Variants in TMEM145 observed in about 807,000 individuals in gnomAD.
TMEM145 encodes the protein transmembrane protein 145.
TMEM145 carries 46 observed loss-of-function variants against 68.5 expected under a neutral mutation model. The observed-to-expected ratio is 0.67, with a 90% CI of 0.53 to 0.86. The LOEUF (loss-of-function observed/expected upper bound fraction) is 0.86, where lower values mean the gene tolerates loss of function less well. Among genes scored for constraint, TMEM145 ranks in the 40% least tolerant of loss-of-function variants. The pLI, the probability that TMEM145 is intolerant of heterozygous loss-of-function variation, is 0.00. For missense variants in TMEM145, 570 were observed against 645.8 expected (o/e 0.88, Z 1.27); for synonymous variants, 255 against 280.2 (o/e 0.91, Z 0.90).
rs2038953138 is a variant in TMEM145 at position 42,324,675 on chromosome 19, G to T, written c.1402-62G>T. ...GCCCAGGTTGGGTACGCTGCGTCCC[G>T]CCCCCCTCCCCTCTGTGCCAAACGG... On this transcript the variant is annotated intron_variant, in intron 14 of 14. Transcript: ENST00000301204. 5.1e-6 allele frequency: 6 copies of T among 1,165,394 alleles called. No homozygotes were observed. The Admixed American group carries it at 4.1e-4, about 80-fold the overall frequency. 72.2% of individuals were successfully genotyped at this position (1,165,394 alleles called of 1,614,324 possible).
chr19:42,314,193 G>A, intron 1 of TMEM145, 79 bp from the exon 2 acceptor site: 1 of 1,516,458 alleles, frequency 6.6e-7, no homozygotes, highest in African/African-American at 1.4e-5. Flanking sequence ...CTGGGGGGTA[G>A]GGAAGAAAAG....
intron 14 of TMEM145, chr19:42,324,465 A>G (rs2038949352): frequency 9.1e-6 from 9 of 985,288 alleles, no homozygotes; most frequent in Non-Finnish European, 1.1e-5. Flanking sequence ...GCAGCGCCGC[A>G]CACCGGCTTC....
At position 42,316,258 on chromosome 19, in the gene TMEM145, C is replaced by T. The variant is rs1237387752; in HGVS notation, c.647-223C>T. 2.3e-4 allele frequency among the ~76,000 whole-genome samples: 34 copies of T among 145,224 alleles called. 1 individual carries two copies. The highest frequency in any genetic ancestry group is 8.4e-4 in the African/African-American group (33 of 39,198). ...GGGGGGAGGGGGTGAGGGCCTGGAC[C>T]CCTGGGTCTGAGGGGGTAGGGGGTG... On this transcript the variant is annotated intron_variant, in intron 8 of 14. Coordinates refer to ENST00000301204, the MANE Select transcript of TMEM145 (RefSeq NM_173633.3).
At chr19:42,314,122 G>A in intron 1 of TMEM145, 150 bp from the exon 2 acceptor site, 1 of 768,434 alleles carries the variant, frequency 1.3e-6, no homozygotes. Context: ...CACAGTGACG[G>A]GATCAGGGAA....
At chr19:42,323,225 T>C (rs1264934834) in intron 13 of TMEM145, among the ~76,000 whole-genome samples, 2 of 152,206 alleles carry the variant, frequency 1.3e-5, no homozygotes, top group Non-Finnish European at 2.9e-5. Flanking sequence ...TGAATGTGGG[T>C]AGTGCATAGT....
In TMEM145 at chr19:42,320,360, A is replaced by G. The variant is rs1222772825; in HGVS notation, c.1117A>G (p.Ile373Val). The G allele has an allele frequency of 3.1e-6, 5 of 1,614,150 alleles. No individual in the cohort carries two copies. The highest frequency in any genetic ancestry group is 3.3e-5 in the Admixed American group (2 of 60,022). Residue 373 changes from isoleucine to valine, a missense_variant, in exon 13 of 15, where the codon ATC (isoleucine) becomes GTC (valine). Ile to Val is a conservative substitution (Grantham distance 29). Coordinates refer to ENST00000301204, the MANE Select transcript of TMEM145 (RefSeq NM_173633.3). ...PVMALIANFGIPKWAREKIVN... is the reference protein window; with the variant it reads ...PVMALIANFGVPKWAREKIVN... ...CATGGCCCTGATTGCCAATTTCGGC[A>G]TCCCCAAGTGGGCCCGGGAGAAGAT...
Position 42,314,286 on chromosome 19 carries a change from G to A in TMEM145, c.135G>A (p.Leu45=). The change falls in exon 2 of 15, where the codon CTG becomes CTA. Residue 45 remains leucine, a synonymous_variant. Transcript: ENST00000301204. ...CCCTTTTTCAGGACTGGGTGTTCCT[G>A]ACAAGATTTTGTTTCCTCTCGGATT... ...NLSSKEDWVF[L]TRFCFLSDYG... The A allele has an allele frequency of 6.2e-7, 1 of 1,614,060 alleles. No individual in the cohort carries two copies.
intron 14 of TMEM145, chr19:42,324,477 C>T (rs2147429171): frequency 1.0e-6 from 1 of 985,402 alleles, no homozygotes; most frequent in Non-Finnish European, 1.2e-6. Context: ...ACCGGCTTCA[C>T]CGAATACTTC....
intron 12 of TMEM145, 60 bp from the exon 13 acceptor site, chr19:42,320,257 C>T (rs1438948514): frequency 3.7e-6 from 6 of 1,603,998 alleles, no homozygotes; most frequent in Non-Finnish European, 5.1e-6. Context: ...CGAGGTGGGG[C>T]TATAGGGTGG....
chr19:42,322,547 T>G (rs1187766171), intron 13 of TMEM145, among the ~76,000 whole-genome samples: 2 of 152,122 alleles, frequency 1.3e-5, no homozygotes, highest in African/African-American at 4.8e-5. Context: ...TTTCAGCTCC[T>G]TGTTCATTTT....
chr19:42,323,496 G>C, intron 13 of TMEM145, 87 bp from the exon 14 acceptor site: 1 of 1,330,838 alleles, frequency 7.5e-7, no homozygotes, highest in Non-Finnish European at 1.0e-6. Context: ...GATGTCAACT[G>C]AAAGGGAATC....
In TMEM145 at chr19:42,317,724, C is replaced by T. The variant is rs1235094666; in HGVS notation, c.916C>T (p.Gln306Ter). 3.7e-6 allele frequency: 6 copies of T among 1,614,090 alleles called. No individual in the cohort carries two copies. The African/African-American group carries it at 8.0e-5, about 22-fold the overall frequency. The change falls in exon 12 of 15, where the codon CAG becomes TAG. Residue 306 changes from glutamine (Q) to a stop codon, truncating the protein, a stop_gained. Transcript: ENST00000301204. LOFTEE classifies it high-confidence loss of function. ...GCGGGTCTAGTTCTTTGACCCAGGC[C>T]AGGTACTGTACACGTATGAGTCGCC... is the stretch of plus-strand genomic sequence containing the variant. ...IYEAEFFDPG[Q>*]VLYTYESPAG...
At chr19:42,323,550 G>A (rs2038930760) in intron 13 of TMEM145, 33 bp from the exon 14 acceptor site, 1 of 1,607,738 alleles carries the variant, frequency 6.2e-7, no homozygotes, top group Non-Finnish European at 8.5e-7. Flanking sequence ...GCCTGACAGT[G>A]CCTCTCACAC....
Position 42,323,784 on chromosome 19 carries a change from A to G in TMEM145, c.1396A>G (p.Thr466Ala). The G allele has an allele frequency of 6.2e-7, 1 of 1,611,462 alleles. No individual in the cohort carries two copies. Among genetic ancestry groups the G allele is most frequent in the Non-Finnish European group, 8.5e-7 (1 of 1,179,256 alleles). ...GCTCTTCTCCATCCCCCCGCCCGCC[A>G]CCTCCGTAAGCCCCGCGGCCCCAGC... ...TELFSIPPPA[T>A]SPLPRAAPDS... Residue 466 changes from threonine to alanine, a missense_variant, in exon 14 of 15, where the codon ACC becomes GCC. Thr to Ala is a moderately conservative substitution (Grantham distance 58). Transcript: ENST00000301204.
rs2038841278 is a variant in TMEM145 at position 42,315,000 on chromosome 19, G to C, written c.428G>C (p.Gly143Ala). 8 of 1,614,108 alleles carry C rather than the reference G, an allele frequency of 5.0e-6. No homozygotes were observed. The highest frequency in any genetic ancestry group is 6.8e-6 in the Non-Finnish European group (8 of 1,180,010). The stretch of plus-strand genomic sequence containing the variant: ...CCTCCCTACCCCCCACAGGGTGATG[G>C]ATTGCAGCTGGAGTATGAGATGGTC... ...SSGRSFRSGD[G>A]LQLEYEMVLT... Residue 143 changes from glycine to alanine, a missense_variant, in exon 6 of 15, where the codon GGA becomes GCA. Gly to Ala is a moderately conservative substitution (Grantham distance 60). Coordinates refer to ENST00000301204, the MANE Select transcript of TMEM145 (RefSeq NM_173633.3).
At chr19:42,315,653 G>C (rs2038849252) in intron 8 of TMEM145, among the ~76,000 whole-genome samples, 1 of 151,200 alleles carries the variant, frequency 6.6e-6, no homozygotes. Context: ...GTTCCTGGGG[G>C]AGGATGGGCT....
At position 42,319,760 on chromosome 19, in the gene TMEM145, T is replaced by C. The variant is rs567847949; in HGVS notation, c.1074-557T>C. Among the ~76,000 whole-genome samples, 876 of 140,980 alleles carry C rather than the reference T, an allele frequency of 6.2e-3. 16 individuals are homozygous for C. The highest frequency in any genetic ancestry group is 0.02 in the African/African-American group (700 of 35,038). 92.5% of individuals were successfully genotyped at this position (140,980 alleles called of 152,430 possible). A position where few individuals can be genotyped will look rare whatever the true frequency, so the allele number is the denominator to read the frequency against. Reference sequence around the variant, plus strand: ...ACTGTGCCCGGCCTGATTTCTTCTTTTTTTTTTTTTTTTTTTGAGATGGAG... The same window carrying C: ...ACTGTGCCCGGCCTGATTTCTTCTTCTTTTTTTTTTTTTTTTGAGATGGAG... On this transcript the variant is annotated intron_variant, in intron 12 of 14. Transcript: ENST00000301204.
At chr19:42,321,039 C>T in intron 13 of TMEM145, 1 of 398,972 alleles carries the variant, frequency 2.5e-6, no homozygotes, top group Non-Finnish European at 4.4e-6. Context: ...GACCCTGTGT[C>T]CCCAGATTCT....
chr19:42,319,263 C>T (rs77793814), intron 12 of TMEM145, among the ~76,000 whole-genome samples: 9,591 of 152,238 alleles, frequency 0.063, 371 homozygotes, highest in South Asian at 0.16. Flanking sequence ...CCATTAACTT[C>T]TCTCTGCCTC....
Sources: gnomAD v4.1 joint callset for allele counts (sites outside exome capture counted in the v4.1 genomes callset) on GRCh38, gnomAD v4.1.1 for gene constraint, MANE v1.5 for transcripts, NCBI Gene and HGNC (gene_info 2026-07-23, HGNC 2026-07-21) for gene names.